The following ADRA2B variants were observed in gnomAD, a reference collection of about 807,000 sequenced individuals.
ADRA2B encodes the protein adrenoceptor alpha 2B, also known as alpha-2B adrenergic receptor.
In ADRA2B, 14 loss-of-function variants were observed where a neutral mutation model predicts 14.4. The ratio of observed to expected loss-of-function variants is 0.97; its 90% CI spans 0.64 to 1.52. The LOEUF is 1.52. Ranked by LOEUF, ADRA2B falls within the 40% of genes most tolerant of loss-of-function variation. The probability of loss-of-function intolerance (pLI) is 0.00; values close to 1 mark genes in which losing one functional copy is unlikely to be tolerated. For synonymous variants in ADRA2B, 250 were observed against 263.7 expected, an observed-to-expected ratio of 0.95 and a Z score of 0.50; for missense variants, 606 against 603.2, an observed-to-expected ratio of 1.00 and a Z score of -0.05.
In ADRA2B at chr2:96,114,433, A is replaced by G. The variant is rs556387749; in HGVS notation, c.*364T>C. The stretch of plus-strand genomic sequence containing the variant: ...CACAAGCAAGTGACCTGCCAGGAAC[A>G]CAAGGTCCTCAAGAAAGGGAAGCCC... On this transcript the variant is annotated 3_prime_UTR_variant, in exon 1 of 1. Transcript: ENST00000620793. The G allele has an allele frequency of 4.5e-5, 47 of 1,039,654 alleles. No homozygotes were observed. Among genetic ancestry groups the G allele is most frequent in the Non-Finnish European group, 5.4e-5 (47 of 863,074 alleles). 64.4% of individuals were successfully genotyped at this position (1,039,654 alleles called of 1,614,324 possible).
rs773036430 is a variant in ADRA2B, at chr2:96,115,522, T to C, written c.628A>G (p.Lys210Glu). 204 of 1,613,652 alleles carry C rather than the reference T, an allele frequency of 1.3e-4. No homozygotes were observed. The highest frequency in any genetic ancestry group is 1.7e-4 in the Non-Finnish European group (200 of 1,179,856). ...KRSNRRGPRAKGGPGQGESKQ... is the reference protein window; with the variant it reads ...KRSNRRGPRAEGGPGQGESKQ... ...GACTCACCCTGCCCAGGCCCCCCCT[T>C]GGCCCTGGGACCTCTGCGGTTGCTG... Residue 210 changes from lysine to glutamate, a missense_variant, in exon 1 of 1, where the codon AAG (lysine) becomes GAG (glutamate). Physicochemically the swap from Lys to Glu is moderately conservative, Grantham distance 56 (BLOSUM62 1). Coordinates refer to ENST00000620793, the MANE Select transcript of ADRA2B (RefSeq NM_000682.7).
chr2:96,114,575 T>C lies in ADRA2B; in HGVS notation c.*222A>G. On this transcript the variant is annotated 3_prime_UTR_variant, in exon 1 of 1. Coordinates refer to ENST00000620793, the MANE Select transcript of ADRA2B (RefSeq NM_000682.7). ...CATCGGCCTGTGCTCAGGGAGAGGG[T>C]GGAGAAGGGGTCCCCCACAGCTAAG... The C allele has an allele frequency of 7.1e-7, 1 of 1,399,302 alleles. No individual in the cohort carries two copies. The highest frequency in any genetic ancestry group is 9.3e-7 in the Non-Finnish European group (1 of 1,078,746). 86.7% of individuals were successfully genotyped at this position (1,399,302 alleles called of 1,614,324 possible).
rs768365911 is a variant in ADRA2B at position 96,115,373 on chromosome 2, C to A, written c.777G>T (p.Gly259=). The A allele has an allele frequency of 1.2e-6, 2 of 1,606,084 alleles. No homozygotes were observed. Among genetic ancestry groups the A allele is most frequent in the Non-Finnish European group, 1.7e-6 (2 of 1,174,968 alleles). Residue 259 remains glycine, a synonymous_variant, in exon 1 of 1, where the codon GGG becomes GGT. Transcript: ENST00000620793. ...HSKSTGEKEE[G]ETPEDTGTRA... Reference sequence around the variant, plus strand: ...GGGTCCCAGTATCTTCAGGGGTCTCCCCCTCCTCCTTCTCCCCAGTGGACT... The same window carrying A: ...GGGTCCCAGTATCTTCAGGGGTCTCACCCTCCTCCTTCTCCCCAGTGGACT...
In ADRA2B at chr2:96,114,746, G is replaced by A; in HGVS notation, c.*51C>T. 1 of 1,551,964 alleles carries A rather than the reference G, an allele frequency of 6.4e-7. No homozygotes were observed. The highest frequency in any genetic ancestry group is 8.7e-7 in the Non-Finnish European group (1 of 1,149,146). ...GCCACACACAGCAGGGCAAGAAGCA[G>A]GGTGACCCCGGCGCCACCGCACCAA... On this transcript the variant is annotated 3_prime_UTR_variant, in exon 1 of 1. Transcript: ENST00000620793.
At position 96,114,521 on chromosome 2, in the gene ADRA2B, G is replaced by T; in HGVS notation, c.*276C>A. 2 of 1,293,618 alleles carry T rather than the reference G, an allele frequency of 1.5e-6. No individual in the cohort carries two copies. Among genetic ancestry groups the T allele is most frequent in the Non-Finnish European group, 2.0e-6 (2 of 1,017,430 alleles). The allele number at this position is 1,293,618 out of a possible 1,614,324, so 80.1% of individuals were successfully genotyped here. A position where few individuals can be genotyped will look rare whatever the true frequency, so the allele number is the denominator to read the frequency against. ...AGTGCTCTCTCTTCTCCTGGTCTTG[G>T]CTATGTTCCAGAGGATTTGAACCAC... On this transcript the variant is annotated 3_prime_UTR_variant, in exon 1 of 1. Transcript: ENST00000620793.
chr2:96,113,110 C>T lies in ADRA2B; in HGVS notation c.*1687G>A. The T allele has an allele frequency of 7.5e-6, 3 of 398,576 alleles. No individual in the cohort carries two copies. The highest frequency in any genetic ancestry group is 1.3e-5 in the Non-Finnish European group (3 of 226,096). 24.7% of individuals were successfully genotyped at this position (398,576 alleles called of 1,614,324 possible). Reference sequence around the variant, plus strand: ...CACTGAGGACCAAGCTGGGAAGCCTCCCACACCCCAGGAAGGACTCTTTTT... The same window carrying T: ...CACTGAGGACCAAGCTGGGAAGCCTTCCACACCCCAGGAAGGACTCTTTTT... On this transcript the variant is annotated 3_prime_UTR_variant, in exon 1 of 1. Transcript: ENST00000620793.
rs757603778 is a variant in ADRA2B, at chr2:96,115,782, TTGGAGTTGTAC to T, written c.357_367del (p.Tyr120AlafsTer94). The stretch of plus-strand genomic sequence containing the variant: ...GCACTTGATGCGGCGCGGGGTGCGC[TTGGAGTTGTAC>T]TCCAGCGCGCGGCTCACGGCCCAGT... On this transcript the variant is annotated frameshift_variant, in exon 1 of 1. Coordinates refer to ENST00000620793, the MANE Select transcript of ADRA2B (RefSeq NM_000682.7). LOFTEE classifies it low-confidence loss of function (END_TRUNC). 111 of 1,612,980 alleles carry T rather than the reference TTGGAGTTGTAC, an allele frequency of 6.9e-5. 1 individual carries two copies. In the East Asian group the frequency reaches 2.5e-3, roughly 36 times the overall value.
rs534484437 is a variant in ADRA2B, at chr2:96,113,915, A to G, written c.*882T>C. 30 of 985,860 alleles carry G rather than the reference A, an allele frequency of 3.0e-5. No homozygotes were observed. The African/African-American group carries it at 4.7e-4, about 15-fold the overall frequency. The allele number at this position is 985,860 out of a possible 1,614,324, so 61.1% of individuals were successfully genotyped here. Reference sequence around the variant, plus strand: ...GTAAACACAGAGGAAAGGGATTTTTATATCACCATATAATCACATTTTTGG... The same window carrying G: ...GTAAACACAGAGGAAAGGGATTTTTGTATCACCATATAATCACATTTTTGG... On this transcript the variant is annotated 3_prime_UTR_variant, in exon 1 of 1. Transcript: ENST00000620793.
In ADRA2B at chr2:96,115,581, A is replaced by G. The variant is rs1433923445; in HGVS notation, c.569T>C (p.Leu190Pro). The G allele has an allele frequency of 6.2e-7, 1 of 1,613,830 alleles. No individual in the cohort carries two copies. The highest frequency in any genetic ancestry group is 8.5e-7 in the Non-Finnish European group (1 of 1,179,904). ...GATCAGGTAGATGCGCAGGTAGACA[A>G]GGATCATGATGAGGCAAGGAGCAAA... ...SFFAPCLIMI[L>P]VYLRIYLIAK... is the part of the protein sequence containing the mutation. The change falls in exon 1 of 1, where the codon CTT becomes CCT. Residue 190 changes from leucine to proline, a missense_variant. Physicochemically the swap from Leu to Pro is moderately conservative, Grantham distance 98. Coordinates refer to ENST00000620793, the MANE Select transcript of ADRA2B (RefSeq NM_000682.7).
Position 96,115,802 on chromosome 2 carries a change from G to A in ADRA2B, c.348C>T (p.Arg116=), listed in dbSNP as rs750125417. Residue 116 remains arginine (R), a synonymous_variant, in exon 1 of 1, where the codon CGC becomes CGT. Transcript: ENST00000620793. ...ISLDRYWAVS[R]ALEYNSKRTP... ...TGCGCTTGGAGTTGTACTCCAGCGC[G>A]CGGCTCACGGCCCAGTAGCGGTCCA... 6.2e-7 allele frequency: 1 copy of A among 1,613,278 alleles called. No homozygotes were observed. Among genetic ancestry groups the A allele is most frequent in the East Asian group, 2.2e-5 (1 of 44,872 alleles).
rs1173763359 is a variant in ADRA2B at position 96,112,905 on chromosome 2, T to C, written c.*1892A>G. The C allele has an allele frequency of 2.8e-6, 1 of 351,854 alleles. No homozygotes were observed. Among genetic ancestry groups the C allele is most frequent in the South Asian group, 1.9e-4 (1 of 5,282 alleles). 21.8% of individuals were successfully genotyped at this position (351,854 alleles called of 1,614,324 possible). A position where few individuals can be genotyped will look rare whatever the true frequency, so the allele number is the denominator to read the frequency against. ...TACAAAATATCCTTTATTGATAAAA[T>C]AGCTCAGAGTTTAAAAAAAAAAAAA... is the stretch of plus-strand genomic sequence containing the variant. On this transcript the variant is annotated 3_prime_UTR_variant, in exon 1 of 1. Transcript: ENST00000620793.
In ADRA2B at chr2:96,116,010, T is replaced by C; in HGVS notation, c.140A>G (p.Gln47Arg). The change falls in exon 1 of 1, where the codon CAG becomes CGG. Residue 47 changes from glutamine to arginine, a missense_variant. Physicochemically the swap from Gln to Arg is conservative, Grantham distance 43. Coordinates refer to ENST00000620793, the MANE Select transcript of ADRA2B (RefSeq NM_000682.7). ...GGCCAGCGACACCAGGAACAGGTTC[T>C]GAGGGGCGCGCAGCGAGCGGCTGGT... The part of the protein sequence containing the change: ...VLTSRSLRAP[Q>R]NLFLVSLAAA... The C allele has an allele frequency of 1.2e-6, 2 of 1,613,494 alleles. No individual in the cohort carries two copies. The highest frequency in any genetic ancestry group is 1.7e-6 in the Non-Finnish European group (2 of 1,179,680).
At position 96,115,478 on chromosome 2, in the gene ADRA2B, G is replaced by T; in HGVS notation, c.672C>A (p.Asp224Glu). The T allele has an allele frequency of 6.2e-7, 1 of 1,613,482 alleles. No individual in the cohort carries two copies. The highest frequency in any genetic ancestry group is 8.5e-7 in the Non-Finnish European group (1 of 1,179,842). Residue 224 changes from aspartate (D) to glutamate (E), a missense_variant, in exon 1 of 1, where the codon GAC (aspartate) becomes GAA (glutamate). Asp to Glu is a conservative substitution (Grantham distance 45, BLOSUM62 2). Transcript: ENST00000620793. ...TGGCTGAGGCCAAAGCCCCACCATG[G>T]TCGGGTCGGGGCTGCTTGGACTCAC... Reference protein sequence around the residue: ...GQGESKQPRPDHGGALASAKL... With the variant: ...GQGESKQPRPEHGGALASAKL...
In ADRA2B at chr2:96,115,672, C is replaced by T. The variant is rs549167238; in HGVS notation, c.478G>A (p.Gly160Arg). 3.2e-5 allele frequency: 52 copies of T among 1,613,694 alleles called. No homozygotes were observed. The South Asian group carries it at 5.3e-4, about 16-fold the overall frequency. ...YKGDQGPQPR[G>R]RPQCKLNQEA... ...TGGTTGAGCTTGCACTGGGGGCGCC[C>T]GCGCGGCTGGGGGCCCTGGTCGCCC... The change falls in exon 1 of 1, where the codon GGG becomes AGG. Residue 160 changes from glycine to arginine, a missense_variant. Coordinates refer to ENST00000620793, the MANE Select transcript of ADRA2B (RefSeq NM_000682.7).
Position 96,114,320 on chromosome 2 carries a change from C to G in ADRA2B, c.*477G>C, listed in dbSNP as rs944602868. The G allele has an allele frequency of 1.0e-6, 1 of 995,182 alleles. No homozygotes were observed. Among genetic ancestry groups the G allele is most frequent in the Non-Finnish European group, 1.2e-6 (1 of 835,190 alleles). 61.6% of individuals were successfully genotyped at this position (995,182 alleles called of 1,614,324 possible). A position where few individuals can be genotyped will look rare whatever the true frequency, so the allele number is the denominator to read the frequency against. On this transcript the variant is annotated 3_prime_UTR_variant, in exon 1 of 1. Transcript: ENST00000620793. ...TGATCAGTCTTCGTTTCTTCCTCCC[C>G]CTCAGCAGCAGGCCCCACTGGGAAA...
rs29000569 is a variant in ADRA2B, at chr2:96,115,015, C to T, written c.1135G>A (p.Val379Ile). 2.6e-3 allele frequency: 4,234 copies of T among 1,613,764 alleles called. 8 individuals are homozygous for T. The highest frequency in any genetic ancestry group is 5.4e-3 in the Middle Eastern group (33 of 6,062). Residue 379 changes from valine (V) to isoleucine (I), a missense_variant, in exon 1 of 1, where the codon GTT becomes ATT. Val to Ile is a conservative substitution (Grantham distance 29). Coordinates refer to ENST00000620793, the MANE Select transcript of ADRA2B (RefSeq NM_000682.7). ...FTFVLAVVIGVFVLCWFPFFF... is the reference protein window; with the variant it reads ...FTFVLAVVIGIFVLCWFPFFF... ...AAGGGGAACCAGCAGAGCACAAAAACGCCAATGACCACAGCCAGCACGAAG... is the reference window on the plus strand; with the variant it reads ...AAGGGGAACCAGCAGAGCACAAAAATGCCAATGACCACAGCCAGCACGAAG...
chr2:96,114,715 G>A lies in ADRA2B; in HGVS notation c.*82C>T, dbSNP rs1195795878. ...TGGGCAGGGAGCAGAAAGCCCAGGGGAGGCAGCCACACACAGCAGGGCAAG... is the reference window on the plus strand; with the variant it reads ...TGGGCAGGGAGCAGAAAGCCCAGGGAAGGCAGCCACACACAGCAGGGCAAG... On this transcript the variant is annotated 3_prime_UTR_variant, in exon 1 of 1. Coordinates refer to ENST00000620793, the MANE Select transcript of ADRA2B (RefSeq NM_000682.7). 1.3e-6 allele frequency: 2 copies of A among 1,489,786 alleles called. No individual in the cohort carries two copies. Among genetic ancestry groups the A allele is most frequent in the Non-Finnish European group, 1.8e-6 (2 of 1,121,316 alleles). The allele number at this position is 1,489,786 out of a possible 1,614,324, so 92.3% of individuals were successfully genotyped here. A position where few individuals can be genotyped will look rare whatever the true frequency, so the allele number is the denominator to read the frequency against.
Position 96,116,070 on chromosome 2 carries a change from A to T in ADRA2B, c.80T>A (p.Ile27Asn). The T allele has an allele frequency of 6.2e-7, 1 of 1,612,892 alleles. No individual in the cohort carries two copies. The highest frequency in any genetic ancestry group is 1.1e-5 in the South Asian group (1 of 90,958). Residue 27 changes from isoleucine (I) to asparagine (N), a missense_variant, in exon 1 of 1, where the codon ATC becomes AAC. By Grantham distance (149) the Ile-to-Asn change is moderately radical (BLOSUM62 -3). Coordinates refer to ENST00000620793, the MANE Select transcript of ADRA2B (RefSeq NM_000682.7). ...CAGGATGACCAGAGCGTTGCCGAAG[A>T]TGGTAAAGAGAATGAGGAAGGTGAT... ...AAITFLILFT[I>N]FGNALVILAV...
rs35994755 is a variant in ADRA2B, at chr2:96,114,161, G to A, written c.*636C>T. On this transcript the variant is annotated 3_prime_UTR_variant, in exon 1 of 1. Coordinates refer to ENST00000620793, the MANE Select transcript of ADRA2B (RefSeq NM_000682.7). ...CGGAGGGGTGCTGGGTAAGGAAGCC[G>A]ATCCATTGTTCTGGCTTTCAAAGGA... is the stretch of plus-strand genomic sequence containing the variant. 32 of 985,748 alleles carry A rather than the reference G, an allele frequency of 3.2e-5. No individual in the cohort carries two copies. The highest frequency in any genetic ancestry group is 2.4e-4 in the African/African-American group (14 of 57,350). The allele number at this position is 985,748 out of a possible 1,614,324, so 61.1% of individuals were successfully genotyped here.
Sources: gnomAD v4.1 joint callset for allele counts on GRCh38, gnomAD v4.1.1 for gene constraint, MANE v1.5 for transcripts, NCBI Gene and HGNC (gene_info 2026-07-23, HGNC 2026-07-21) for gene names.